XPO6: variants seen among roughly 807,000 people sequenced by gnomAD.
The protein encoded by XPO6 is exportin-6.
A neutral mutation model predicts 130.0 loss-of-function variants in XPO6; 3 were observed. The observed-to-expected ratio is 0.02, with a 90% CI of 0.01 to 0.06. The LOEUF (loss-of-function observed/expected upper bound fraction) is 0.06. Ranked by LOEUF, XPO6 falls within the 10% of genes least tolerant of loss-of-function variation. The pLI is 1.00. For synonymous variants in XPO6, 524 were observed against 548.9 expected (o/e 0.95, Z 0.63); for missense variants, 970 against 1,393.0 (o/e 0.70, Z 4.83).
chr16:28,170,332 CAAAAAAA>C (rs10638478), intron 4 of XPO6, among the ~76,000 whole-genome samples: 17 of 81,360 alleles, frequency 2.1e-4, no homozygotes, highest in East Asian at 3.3e-4. Flanking sequence ...AACTCTGTCT[CAAAAAAA>C]AAAAAAAAAA....
At position 28,106,299 on chromosome 16, in the gene XPO6, C is replaced by T; in HGVS notation, c.2612+84G>A. Reference sequence around the variant, plus strand: ...AACCCATGCTGTGGCAAGTGCAGAACAGGAGCAAAAAGCCACACTTTGTCG... The same window carrying T: ...AACCCATGCTGTGGCAAGTGCAGAATAGGAGCAAAAAGCCACACTTTGTCG... On this transcript the variant is annotated intron_variant, in intron 19 of 23. Transcript: ENST00000304658. The surrounding 1 kb of genome is among the most constrained non-coding windows in gnomAD (Gnocchi z 4.2). 1.2e-6 allele frequency: 2 copies of T among 1,607,826 alleles called. No individual in the cohort carries two copies. Among genetic ancestry groups the T allele is most frequent in the Non-Finnish European group, 1.7e-6 (2 of 1,175,448 alleles).
chr16:28,139,627 G>A (rs1339044070), intron 9 of XPO6, among the ~76,000 whole-genome samples: 1 of 152,118 alleles, frequency 6.6e-6, no homozygotes, highest in African/African-American at 2.4e-5. Context: ...ATATAAAGAA[G>A]AGAGGCTAAA....
intron 11 of XPO6, among the ~76,000 whole-genome samples, chr16:28,133,214 G>A (rs2042708932): frequency 6.6e-6 from 1 of 152,142 alleles, no homozygotes; most frequent in African/African-American, 2.4e-5. Context: ...GTGAGCTCCT[G>A]TAGTCCCACT....
In XPO6 at chr16:28,106,561, T is replaced by A; in HGVS notation, c.2498-64A>T. On this transcript the variant is annotated intron_variant, in intron 18 of 23. Transcript: ENST00000304658. The surrounding 1 kb of genome is among the most constrained non-coding windows in gnomAD (Gnocchi z 4.2). The stretch of plus-strand genomic sequence containing the variant: ...ACAGTGAGAACCAGAACCCTGGGCT[T>A]CATCAACCTACTCCTGAAATCTGCA... 3 of 1,315,280 alleles carry A rather than the reference T, an allele frequency of 2.3e-6. No individual in the cohort carries two copies. Among genetic ancestry groups the A allele is most frequent in the Non-Finnish European group, 2.2e-6 (2 of 915,452 alleles). The allele number at this position is 1,315,280 out of a possible 1,614,324, so 81.5% of individuals were successfully genotyped here. A position where few individuals can be genotyped will look rare whatever the true frequency, so the allele number is the denominator to read the frequency against.
intron 2 of XPO6, among the ~76,000 whole-genome samples, chr16:28,178,227 T>C (rs367643904): frequency 6.6e-6 from 1 of 152,182 alleles, no homozygotes; most frequent in East Asian, 1.9e-4. Flanking sequence ...ATTGCTCTGC[T>C]AGTTCCCTAC....
In XPO6 at chr16:28,111,809, T is replaced by C; in HGVS notation, c.2341+8A>G. 6.2e-7 allele frequency: 1 copy of C among 1,613,376 alleles called. No homozygotes were observed. The highest frequency in any genetic ancestry group is 8.5e-7 in the Non-Finnish European group (1 of 1,179,598). On this transcript the variant is annotated splice_region_variant and intron_variant, in intron 17 of 23. Transcript: ENST00000304658. ...TTCCCCAGCTGTCCTAGCCTAGGGGTCACTTACTGTCATCCAGTGGCATCT... is the reference window on the plus strand; with the variant it reads ...TTCCCCAGCTGTCCTAGCCTAGGGGCCACTTACTGTCATCCAGTGGCATCT...
chr16:28,156,061 T>C lies in XPO6; in HGVS notation c.1097+13A>G, dbSNP rs1019887314. ...TTCTTGGGGCACACCAGCTCCACAC[T>C]TGGTTTCATTACCTCTCATCGAGCT... On this transcript the variant is annotated intron_variant, in intron 7 of 23. Transcript: ENST00000304658. 6.3e-7 allele frequency: 1 copy of C among 1,581,252 alleles called. No homozygotes were observed.
intron 6 of XPO6, among the ~76,000 whole-genome samples, chr16:28,161,710 G>A (rs12149865): frequency 0.58 from 87,427 of 151,980 alleles, 27,499 homozygotes; most frequent in South Asian, 0.72. Context: ...ACTCTAAGGT[G>A]GGCATTATTA....
chr16:28,186,187 T>C (rs181160400), intron 1 of XPO6, among the ~76,000 whole-genome samples: 52 of 152,176 alleles, frequency 3.4e-4, no homozygotes, highest in Non-Finnish European at 7.1e-4. Flanking sequence ...CTGCGGACTG[T>C]TGCTTCTCAC....
intron 1 of XPO6, among the ~76,000 whole-genome samples, chr16:28,195,223 T>G (rs570454298): frequency 1.3e-5 from 2 of 152,116 alleles, no homozygotes; most frequent in African/African-American, 4.8e-5. Flanking sequence ...AATACACTTT[T>G]GGTGATTTTT....
intron 1 of XPO6, among the ~76,000 whole-genome samples, chr16:28,203,149 C>T (rs1038355439): frequency 6.6e-6 from 1 of 151,916 alleles, no homozygotes; most frequent in Non-Finnish European, 1.5e-5. Context: ...GTGATGCATA[C>T]GTATAGTTCC....
intron 15 of XPO6, 40 bp from the exon 16 acceptor site, chr16:28,113,090 G>C (rs749646060): frequency 6.3e-7 from 1 of 1,593,174 alleles, no homozygotes; most frequent in Non-Finnish European, 8.6e-7. Flanking sequence ...CCACATCCCT[G>C]TAAGACTGGG....
chr16:28,191,913 G>A (rs1242256808), intron 1 of XPO6, among the ~76,000 whole-genome samples: 1 of 152,188 alleles, frequency 6.6e-6, no homozygotes, highest in Non-Finnish European at 1.5e-5. Context: ...CAAGTCTCTT[G>A]TAAAACCACC....
Position 28,141,619 on chromosome 16 carries a change from T to C in XPO6, c.1334+4475A>G, listed in dbSNP as rs1284069546. On this transcript the variant is annotated intron_variant, in intron 9 of 23. Transcript: ENST00000304658. ...GGCCATTCCACTCTGCAGGAATGGCTACAGAACATTTACCCCATTAACACT... is the reference window on the plus strand; with the variant it reads ...GGCCATTCCACTCTGCAGGAATGGCCACAGAACATTTACCCCATTAACACT... Among the ~76,000 whole-genome samples the C allele has an allele frequency of 4.6e-5, 7 of 152,266 alleles. No homozygotes were observed. The East Asian group carries it at 1.3e-3, about 29-fold the overall frequency.
chr16:28,209,236 C>G (rs948451091), intron 1 of XPO6: 8 of 152,062 alleles, frequency 5.3e-5, no homozygotes, highest in African/African-American at 1.7e-4. Flanking sequence ...TGGTGGTGAT[C>G]GTTGCACAAC....
At chr16:28,196,649 G>A (rs2043868812) in intron 1 of XPO6, among the ~76,000 whole-genome samples, 1 of 152,200 alleles carries the variant, frequency 6.6e-6, no homozygotes. Flanking sequence ...GGCCTAATGA[G>A]AGGTGTTTGA....
chr16:28,101,821 A>G lies in XPO6; in HGVS notation c.3045+26T>C, dbSNP rs745399424. ...AGGCCACAATGCCCCTGATGGAAGAATATTTCCAAGAGCTGGGGCACTTAC... is the reference window on the plus strand; with the variant it reads ...AGGCCACAATGCCCCTGATGGAAGAGTATTTCCAAGAGCTGGGGCACTTAC... On this transcript the variant is annotated intron_variant, in intron 22 of 23. Coordinates refer to ENST00000304658, the MANE Select transcript of XPO6 (RefSeq NM_015171.4). The surrounding 1 kb of genome is among the most constrained non-coding windows in gnomAD (Gnocchi z 5.4). The G allele has an allele frequency of 1.2e-6, 2 of 1,610,552 alleles. No homozygotes were observed. The highest frequency in any genetic ancestry group is 8.5e-7 in the Non-Finnish European group (1 of 1,177,194).
intron 1 of XPO6, among the ~76,000 whole-genome samples, chr16:28,201,712 C>T (rs2043956432): frequency 6.6e-6 from 1 of 152,102 alleles, no homozygotes; most frequent in Non-Finnish European, 1.5e-5. Context: ...AAAAATTAGC[C>T]AGGCGTGGCA....
In XPO6 at chr16:28,117,330, T is replaced by C. The variant is rs1158449296; in HGVS notation, c.1992A>G (p.Leu664=). 1.2e-6 allele frequency: 2 copies of C among 1,613,890 alleles called. No homozygotes were observed. Among genetic ancestry groups the C allele is most frequent in the Non-Finnish European group, 1.7e-6 (2 of 1,180,028 alleles). The change falls in exon 15 of 24, where the codon CTA becomes CTG. Residue 664 remains leucine, a synonymous_variant. Coordinates refer to ENST00000304658, the MANE Select transcript of XPO6 (RefSeq NM_015171.4). ...GCTGTTTCGAGACCTTGGTGCTGAT[T>C]AGAGGTGTGATTGCATCCATGGTAG... ...ISTTMDAITP[L]ISTKVQDKLL... is the part of the protein sequence containing the mutation.
Sources: allele counts gnomAD v4.1 joint callset (sites outside exome capture counted in the v4.1 genomes callset), GRCh38; gene constraint gnomAD v4.1.1; non-coding constraint Gnocchi (gnomAD v3.1); transcripts MANE v1.5; gene names NCBI Gene and HGNC (gene_info 2026-07-23, HGNC 2026-07-21).